Variants in SORCS3 observed in about 807,000 individuals in gnomAD.
SORCS3 encodes sortilin related VPS10 domain containing receptor 3, also known as VPS10 domain-containing receptor SorCS3.
Under a neutral mutation model 146.3 loss-of-function variants are expected in SORCS3, and 57 were observed. The observed-to-expected ratio is 0.39, with a 90% CI of 0.31 to 0.49. The LOEUF is 0.49. Ranked by LOEUF, SORCS3 falls within the 20% of genes least tolerant of loss-of-function variation. The pLI is 0.92. For synonymous variants in SORCS3, 653 were observed against 618.5 expected (o/e 1.06, Z -0.83); for missense variants, 1,341 against 1,575.5 (o/e 0.85, Z 2.52).
At chr10:105,139,582 G>T in intron 8 of SORCS3, 96 bp downstream of exon 8, 3 of 929,578 alleles carry the variant, frequency 3.2e-6, no homozygotes, top group Non-Finnish European at 5.2e-6. Context: ...TTATCTGTTT[G>T]GAAGGACTGC....
At chr10:104,867,965 G>A (rs1476938174) in intron 2 of SORCS3, among the ~76,000 whole-genome samples, 1 of 152,160 alleles carries the variant, frequency 6.6e-6, no homozygotes, top group Non-Finnish European at 1.5e-5. Flanking sequence ...ATGAGGGGTG[G>A]TATTCATCTT....
intron 1 of SORCS3, among the ~76,000 whole-genome samples, chr10:104,826,840 A>G (rs1271304110): frequency 6.6e-6 from 1 of 152,208 alleles, no homozygotes; most frequent in African/African-American, 2.4e-5. Flanking sequence ...AATTGAAGTC[A>G]ATCTTCTCAA....
At chr10:105,118,176 T>C (rs2055906335) in intron 7 of SORCS3, among the ~76,000 whole-genome samples, 1 of 152,160 alleles carries the variant, frequency 6.6e-6, no homozygotes, top group Non-Finnish European at 1.5e-5. Flanking sequence ...GGTAATTGAA[T>C]TATGGGGGCG....
intron 19 of SORCS3, 46 bp from the exon 20 acceptor site, chr10:105,223,070 C>A: frequency 6.4e-7 from 1 of 1,551,130 alleles, no homozygotes; most frequent in Non-Finnish European, 8.8e-7. Flanking sequence ...TACAGTTTGA[C>A]CACATCCAGA....
intron 12 of SORCS3, among the ~76,000 whole-genome samples, chr10:105,166,003 C>T (rs998212684): frequency 7.2e-5 from 11 of 152,150 alleles, no homozygotes; most frequent in African/African-American, 2.2e-4. Context: ...ATCACAGAAC[C>T]ATCCTTTAAG....
intron 4 of SORCS3, among the ~76,000 whole-genome samples, chr10:105,000,430 G>A (rs191391336): frequency 2.0e-5 from 3 of 151,990 alleles, no homozygotes; most frequent in Non-Finnish European, 2.9e-5. Context: ...AAGGTGCCCC[G>A]GATTGTAGAA....
intron 14 of SORCS3, among the ~76,000 whole-genome samples, chr10:105,181,860 C>A (rs1177159469): frequency 6.6e-6 from 1 of 152,140 alleles, no homozygotes; most frequent in Non-Finnish European, 1.5e-5. Flanking sequence ...CTCTTTGGTC[C>A]ACTATTTCAT....
At chr10:105,007,830 A>C (rs760251964) in intron 4 of SORCS3, among the ~76,000 whole-genome samples, 14 of 152,168 alleles carry the variant, frequency 9.2e-5, no homozygotes, top group Admixed American at 6.5e-4. Flanking sequence ...CCTGCCTTCA[A>C]AGAGCTCAGA....
Position 104,987,223 on chromosome 10 carries a change from A to T in SORCS3, c.954+9730A>T, listed in dbSNP as rs968795102. Among the ~76,000 whole-genome samples, 7 of 152,244 alleles carry T rather than the reference A, an allele frequency of 4.6e-5. No individual in the cohort carries two copies. In the East Asian group the frequency reaches 9.7e-4, roughly 21 times the overall value. ...GAAGGAATGAATGTAGGAAGGGAGA[A>T]AAAAGGAATGAGGGAGAAAAATTAT... On this transcript the variant is annotated intron_variant, in intron 4 of 26. Coordinates refer to ENST00000369701, the MANE Select transcript of SORCS3 (RefSeq NM_014978.3).
chr10:104,744,634 C>T (rs2016886591), intron 1 of SORCS3, among the ~76,000 whole-genome samples: 1 of 152,222 alleles, frequency 6.6e-6, no homozygotes, highest in South Asian at 2.1e-4. Flanking sequence ...CTGTCTGTTT[C>T]TAAAGCCCAT....
At chr10:104,788,622 G>T (rs2017463924) in intron 1 of SORCS3, among the ~76,000 whole-genome samples, 1 of 152,134 alleles carries the variant, frequency 6.6e-6, no homozygotes, top group African/African-American at 2.4e-5. Flanking sequence ...TTCTGGATTT[G>T]TGTTTTGTTT....
chr10:104,672,777 A>G lies in SORCS3; in HGVS notation c.627+30823A>G, dbSNP rs2015870205. ...AATAGAATGTTCTGTATATGTTTAT[A>G]TCTAAGTGGATTATTGTATTAATTC... On this transcript the variant is annotated intron_variant, in intron 1 of 26. Transcript: ENST00000369701. Among the ~76,000 whole-genome samples, 4 of 152,164 alleles carry G rather than the reference A, an allele frequency of 2.6e-5. 1 individual carries two copies. In the South Asian group the frequency reaches 8.3e-4, roughly 32 times the overall value.
chr10:104,650,544 G>A (rs184745432), intron 1 of SORCS3, among the ~76,000 whole-genome samples: 126 of 152,354 alleles, frequency 8.3e-4, no homozygotes, highest in Non-Finnish European at 1.5e-3. Flanking sequence ...GACCATTAAT[G>A]ACCAAACTAA....
rs773559300 is a variant in SORCS3 at position 104,641,979 on chromosome 10, C to G, written c.627+25C>G. Reference sequence around the variant, plus strand: ...CGTGAGTACCCACCCGGCGGCGGGTCCGCCTGTTTCCTGACACCGAAGGGG... The same window carrying G: ...CGTGAGTACCCACCCGGCGGCGGGTGCGCCTGTTTCCTGACACCGAAGGGG... On this transcript the variant is annotated intron_variant, in intron 1 of 26. Transcript: ENST00000369701. This position sits in a 1 kb window ranked among gnomAD's most constrained non-coding sequence, Gnocchi z 6.4. 1 of 1,280,374 alleles carries G rather than the reference C, an allele frequency of 7.8e-7. No homozygotes were observed. Among genetic ancestry groups the G allele is most frequent in the South Asian group, 1.2e-5 (1 of 82,236 alleles). 79.3% of individuals were successfully genotyped at this position (1,280,374 alleles called of 1,614,324 possible).
At chr10:104,980,110 C>CT (rs1179969406) in intron 4 of SORCS3, among the ~76,000 whole-genome samples, 1 of 152,208 alleles carries the variant, frequency 6.6e-6, no homozygotes, top group Non-Finnish European at 1.5e-5. Flanking sequence ...ATTCAAAATA[C>CT]TTTCAGACTT....
At chr10:104,961,935 A>G (rs1589567928) in intron 3 of SORCS3, among the ~76,000 whole-genome samples, 1 of 152,320 alleles carries the variant, frequency 6.6e-6, no homozygotes, top group East Asian at 1.9e-4. Context: ...TTGTTTAACC[A>G]AAGCTCCCTG....
intron 2 of SORCS3, among the ~76,000 whole-genome samples, chr10:104,884,084 T>A (rs2018658374): frequency 6.6e-6 from 1 of 152,196 alleles, no homozygotes; most frequent in Non-Finnish European, 1.5e-5. Context: ...TCAATGCCTA[T>A]GGTCAACAGA....
chr10:105,222,300 C>CAAAGG (rs1206249337), intron 19 of SORCS3, among the ~76,000 whole-genome samples: 22 of 152,026 alleles, frequency 1.4e-4, no homozygotes, highest in Admixed American at 1.4e-3. Flanking sequence ...TCAGGTGATC[C>CAAAGG]ACCCACCTCA....
intron 7 of SORCS3, among the ~76,000 whole-genome samples, chr10:105,108,050 T>TATTAA (rs768812488): frequency 8.5e-6 from 1 of 117,112 alleles, no homozygotes; most frequent in Non-Finnish European, 1.9e-5. Context: ...CTATCTTTTA[T>TATTAA]CTATCTACAA....
Sources: allele counts gnomAD v4.1 joint callset (sites outside exome capture counted in the v4.1 genomes callset), GRCh38; gene constraint gnomAD v4.1.1; non-coding constraint Gnocchi (gnomAD v3.1); transcripts MANE v1.5; gene names NCBI Gene and HGNC (gene_info 2026-07-23, HGNC 2026-07-21).